The following NLRP5 variants were observed in gnomAD, a reference collection of about 807,000 sequenced individuals.
NLRP5 encodes the protein NLR family pyrin domain containing 5.
Under a neutral mutation model 113.1 loss-of-function variants are expected in NLRP5, and 93 were observed. The observed-to-expected ratio is 0.82, with a 90% CI of 0.70 to 0.98. The LOEUF (loss-of-function observed/expected upper bound fraction) is 0.98. NLRP5 is among the 50% of genes least tolerant of loss of function. The pLI is 0.00. For missense variants in NLRP5, 1,808 were observed against 1,514.3 expected (o/e 1.19, Z -3.22); for synonymous variants, 751 against 600.7 (o/e 1.25, Z -3.66).
chr19:56,049,611 T>G (rs538111320), intron 11 of NLRP5, among the ~76,000 whole-genome samples: 6 of 152,160 alleles, frequency 3.9e-5, no homozygotes, highest in African/African-American at 1.4e-4. Flanking sequence ...GTGCCCAGCC[T>G]GAATTTCTTT....
intron 1 of NLRP5, among the ~76,000 whole-genome samples, chr19:56,003,114 C>A (rs533222262): frequency 1.3e-5 from 2 of 151,234 alleles, no homozygotes; most frequent in African/African-American, 4.9e-5. Flanking sequence ...GGGTATATAC[C>A]CTAAGGATTA....
At position 56,061,506 on chromosome 19, in the gene NLRP5, A is replaced by T. The variant is rs376240762; in HGVS notation, c.3581A>T (p.Asp1194Val). Residue 1194 changes from aspartate (D) to valine (V), a missense_variant, in exon 15 of 15, where the codon GAC (aspartate) becomes GTC (valine). Physicochemically the swap from Asp to Val is radical, Grantham distance 152. Coordinates refer to ENST00000390649, the MANE Select transcript of NLRP5 (RefSeq NM_153447.4). ...AGTTGGCATTCTTTTGATGAAGATG[A>T]CCGGTACTGGTGGAAAAACTGAAGA... 1 of 1,614,014 alleles carries T rather than the reference A, an allele frequency of 6.2e-7. No homozygotes were observed.
chr19:56,007,407 G>A (rs942762883), intron 2 of NLRP5, among the ~76,000 whole-genome samples: 1 of 150,654 alleles, frequency 6.6e-6, no homozygotes, highest in Non-Finnish European at 1.5e-5. Flanking sequence ...CAGATGAGAG[G>A]GAAGTTTAGA....
chr19:56,061,651 C>T lies in NLRP5; in HGVS notation c.*123C>T, dbSNP rs1020962533. The T allele has an allele frequency of 2.7e-6, 3 of 1,096,662 alleles. No individual in the cohort carries two copies. The Admixed American group carries it at 5.8e-5, about 21-fold the overall frequency. 67.9% of individuals were successfully genotyped at this position (1,096,662 alleles called of 1,614,324 possible). On this transcript the variant is annotated 3_prime_UTR_variant, in exon 15 of 15. Coordinates refer to ENST00000390649, the MANE Select transcript of NLRP5 (RefSeq NM_153447.4). Reference sequence around the variant, plus strand: ...GATGGAGAATGATTTCTGATTCTCACAAAGCCCTCAATGGTAGTGATTCTT... The same window carrying T: ...GATGGAGAATGATTTCTGATTCTCATAAAGCCCTCAATGGTAGTGATTCTT...
chr19:56,032,840 C>T (rs1983175318), intron 8 of NLRP5, 59 bp downstream of exon 8: 1 of 1,508,996 alleles, frequency 6.6e-7, no homozygotes, highest in African/African-American at 1.4e-5. Context: ...CCAGCTCTCC[C>T]CTACCTCCTG....
intron 6 of NLRP5, among the ~76,000 whole-genome samples, chr19:56,024,548 T>C (rs1433310341): frequency 6.8e-6 from 1 of 146,170 alleles, no homozygotes; most frequent in Non-Finnish European, 1.5e-5. Context: ...TATGTATGTA[T>C]ATGTGTATAT....
Position 56,028,252 on chromosome 19 carries a change from T to A in NLRP5, c.2019T>A (p.Gly673=). Residue 673 remains glycine (G), a synonymous_variant, in exon 7 of 15, where the codon GGT becomes GGA. Transcript: ENST00000390649. ...TTCTGCACTGGGTCTCTCTGTTGGGTCAGCAGCCTAATGCCACCACCCCAG... is the reference window on the plus strand; with the variant it reads ...TTCTGCACTGGGTCTCTCTGTTGGGACAGCAGCCTAATGCCACCACCCCAG... The A allele has an allele frequency of 6.2e-7, 1 of 1,613,828 alleles. No individual in the cohort carries two copies. Among genetic ancestry groups the A allele is most frequent in the Non-Finnish European group, 8.5e-7 (1 of 1,179,862 alleles).
At chr19:55,988,256 G>T in the NLRP5 span, 3 of 168,452 alleles carry the variant, frequency 1.8e-5, no homozygotes, top group African/African-American at 7.2e-5. Flanking sequence ...AAAATTAGGC[G>T]TGGTGGTGGG....
Position 56,027,749 on chromosome 19 carries a change from G to A in NLRP5, c.1516G>A (p.Val506Met). 1 of 1,613,872 alleles carries A rather than the reference G, an allele frequency of 6.2e-7. No individual in the cohort carries two copies. Among genetic ancestry groups the A allele is most frequent in the Admixed American group, 1.7e-5 (1 of 60,008 alleles). Reference sequence around the variant, plus strand: ...GCTCACAGGCCTGCACGCCGCTTTTGTGTTTCATCAGCTCACCCCTCGAGG... The same window carrying A: ...GCTCACAGGCCTGCACGCCGCTTTTATGTTTCATCAGCTCACCCCTCGAGG... Residue 506 changes from valine to methionine, a missense_variant, in exon 7 of 15, where the codon GTG (valine) becomes ATG (methionine). Coordinates refer to ENST00000390649, the MANE Select transcript of NLRP5 (RefSeq NM_153447.4).
At position 56,038,023 on chromosome 19, in the gene NLRP5, A is replaced by C; in HGVS notation, c.2616-2A>C. 5.0e-6 allele frequency: 8 copies of C among 1,613,910 alleles called. No individual in the cohort carries two copies. The highest frequency in any genetic ancestry group is 6.8e-6 in the Non-Finnish European group (8 of 1,179,850). On this transcript the variant is annotated splice_acceptor_variant, in intron 9 of 14. Coordinates refer to ENST00000390649, the MANE Select transcript of NLRP5 (RefSeq NM_153447.4). LOFTEE classifies it high-confidence loss of function. ...ATTGCTTCATGCTGCCTGTCTCTGC[A>C]GGCTGGATTGCTGTGGATTGACCCA...
intron 2 of NLRP5, among the ~76,000 whole-genome samples, chr19:56,007,955 G>A: frequency 7.9e-6 from 1 of 126,888 alleles, no homozygotes; most frequent in Non-Finnish European, 1.7e-5. Context: ...GTCTTGCTCT[G>A]TCGCCCAGGC....
At chr19:56,032,444 C>A (rs388295) in intron 7 of NLRP5, among the ~76,000 whole-genome samples, 167 bp from the exon 8 acceptor site, 35,856 of 151,908 alleles carry the variant, frequency 0.24, 4,698 homozygotes, top group African/African-American at 0.36. Flanking sequence ...GGGTGGACAC[C>A]GGGCTAGTCA....
intron 8 of NLRP5, among the ~76,000 whole-genome samples, chr19:56,033,250 TAAAC>T (rs1419708215): frequency 2.6e-5 from 4 of 151,586 alleles, no homozygotes; most frequent in African/African-American, 9.7e-5. Context: ...GACTCCATCT[TAAAC>T]AAAAAACAAA....
intron 13 of NLRP5, among the ~76,000 whole-genome samples, 185 bp downstream of exon 13, chr19:56,053,993 G>C (rs116155768): frequency 1.3e-5 from 2 of 152,104 alleles, no homozygotes; most frequent in Non-Finnish European, 2.9e-5. Context: ...TGGATGAGAC[G>C]GATGAAGTGG....
chr19:56,040,335 C>T (rs1353563956), intron 10 of NLRP5, among the ~76,000 whole-genome samples: 1 of 152,186 alleles, frequency 6.6e-6, no homozygotes, highest in Non-Finnish European at 1.5e-5. Flanking sequence ...GCAGGCAGAT[C>T]CCCTGAGGTC....
At chr19:56,032,412 G>A (rs1370199253) in intron 7 of NLRP5, among the ~76,000 whole-genome samples, 199 bp from the exon 8 acceptor site, 1 of 151,800 alleles carries the variant, frequency 6.6e-6, no homozygotes, top group Non-Finnish European at 1.5e-5. Context: ...ACCCCCTCGG[G>A]TATCGGTATA....
At chr19:56,016,057 G>A (rs1982391437) in intron 4 of NLRP5, among the ~76,000 whole-genome samples, 1 of 152,096 alleles carries the variant, frequency 6.6e-6, no homozygotes, top group Non-Finnish European at 1.5e-5. Context: ...TGGGGCGTGA[G>A]GTTTCAATAC....
At chr19:56,040,525 C>A (rs1983479872) in intron 10 of NLRP5, among the ~76,000 whole-genome samples, 1 of 152,142 alleles carries the variant, frequency 6.6e-6, no homozygotes, top group African/African-American at 2.4e-5. Context: ...TGAGATCATG[C>A]CACTGCACTC....
chr19:56,010,380 C>A (rs922368992), intron 3 of NLRP5, among the ~76,000 whole-genome samples: 1 of 152,092 alleles, frequency 6.6e-6, no homozygotes, highest in Non-Finnish European at 1.5e-5. Context: ...AGACACTCTA[C>A]CCTCAAGGAG....
Sources: allele counts gnomAD v4.1 joint callset (sites outside exome capture counted in the v4.1 genomes callset), GRCh38; gene constraint gnomAD v4.1.1; transcripts MANE v1.5; gene names NCBI Gene and HGNC (gene_info 2026-07-23, HGNC 2026-07-21).